The following RYR3 variants were observed in gnomAD, a reference collection of about 807,000 sequenced individuals.
RYR3 encodes brain ryanodine receptor-calcium release channel.
RYR3 carries 207 observed loss-of-function variants against 584.3 expected under a neutral mutation model. The ratio of observed to expected loss-of-function variants is 0.35; its 90% CI spans 0.32 to 0.40. The LOEUF is 0.40. RYR3 is among the 10% of genes least tolerant of loss of function. The pLI is 1.00. For synonymous variants in RYR3, 2,416 were observed against 2,248.5 expected (o/e 1.07, Z -2.11); for missense variants, 5,616 against 6,089.2 (o/e 0.92, Z 2.59).
At chr15:33,706,458 A>G (rs1026597663) in intron 42 of RYR3, among the ~76,000 whole-genome samples, 8 of 152,148 alleles carry the variant, frequency 5.3e-5, no homozygotes, top group African/African-American at 1.9e-4. Context: ...TTACTACTCA[A>G]ATTACCTCCT....
At chr15:33,861,546 T>G (rs925087721) in intron 102 of RYR3, among the ~76,000 whole-genome samples, 1 of 152,030 alleles carries the variant, frequency 6.6e-6, no homozygotes, top group Non-Finnish European at 1.5e-5. Flanking sequence ...ACTATTGCCC[T>G]ACTTCTTTTT....
At chr15:33,675,243 A>G (rs1356233971) in intron 38 of RYR3, among the ~76,000 whole-genome samples, 1 of 152,234 alleles carries the variant, frequency 6.6e-6, no homozygotes, top group Non-Finnish European at 1.5e-5. Flanking sequence ...TGTCTTGAGC[A>G]CTTCCATAAA....
chr15:33,761,847 C>T (rs577970715), intron 60 of RYR3, among the ~76,000 whole-genome samples: 1 of 152,192 alleles, frequency 6.6e-6, no homozygotes, highest in African/African-American at 2.4e-5. Context: ...AACATCGATG[C>T]GAAAATCCTC....
At chr15:33,786,147 T>A (rs2074693268) in intron 66 of RYR3, among the ~76,000 whole-genome samples, 165 bp downstream of exon 66, 1 of 152,064 alleles carries the variant, frequency 6.6e-6, no homozygotes, top group African/African-American at 2.4e-5. Context: ...ATTGACATAT[T>A]CCCCTGAAGA....
At chr15:33,735,980 T>C (rs1470333053) in intron 48 of RYR3, among the ~76,000 whole-genome samples, 1 of 152,238 alleles carries the variant, frequency 6.6e-6, no homozygotes, top group Non-Finnish European at 1.5e-5. Flanking sequence ...AGTATGCATA[T>C]ATCCTAGAAC....
intron 1 of RYR3, among the ~76,000 whole-genome samples, chr15:33,434,247 C>T (rs987355013): frequency 1.3e-5 from 2 of 152,030 alleles, no homozygotes; most frequent in Non-Finnish European, 2.9e-5. Flanking sequence ...TATTTGCCCA[C>T]AGTGAAATTC....
At chr15:33,537,675 T>C (rs2055443352) in intron 5 of RYR3, among the ~76,000 whole-genome samples, 1 of 152,222 alleles carries the variant, frequency 6.6e-6, no homozygotes, top group Non-Finnish European at 1.5e-5. Flanking sequence ...TCTTGTGCCT[T>C]GGTGTCTGAA....
intron 1 of RYR3, among the ~76,000 whole-genome samples, chr15:33,461,135 G>A (rs1239533873): frequency 2.6e-5 from 4 of 151,648 alleles, no homozygotes; most frequent in Non-Finnish European, 2.9e-5. Flanking sequence ...TAGTAGAGAC[G>A]GGGTTTCACC....
chr15:33,569,141 A>G (rs1277120452), intron 12 of RYR3, among the ~76,000 whole-genome samples: 1 of 152,232 alleles, frequency 6.6e-6, no homozygotes, highest in Non-Finnish European at 1.5e-5. Flanking sequence ...TTTGATTACT[A>G]AGAACAATGT....
chr15:33,754,886 G>C (rs958130333), intron 57 of RYR3, among the ~76,000 whole-genome samples, 179 bp from the exon 58 acceptor site: 1 of 152,156 alleles, frequency 6.6e-6, no homozygotes, highest in Non-Finnish European at 1.5e-5. Context: ...TGAAAAATCT[G>C]TGCTCACATA....
At chr15:33,537,166 T>C (rs1595494600) in intron 5 of RYR3, among the ~76,000 whole-genome samples, 1 of 152,226 alleles carries the variant, frequency 6.6e-6, no homozygotes, top group Non-Finnish European at 1.5e-5. Flanking sequence ...TTTGTTTGCT[T>C]AGTTTTTTTG....
At chr15:33,764,376 A>G (rs2072810154) in intron 60 of RYR3, among the ~76,000 whole-genome samples, 2 of 152,168 alleles carry the variant, frequency 1.3e-5, no homozygotes, top group Admixed American at 6.5e-5. Flanking sequence ...GAGTTGAACA[A>G]TGAGAACACA....
At chr15:33,526,140 C>T (rs2572203) in intron 3 of RYR3, among the ~76,000 whole-genome samples, 129,791 of 152,156 alleles carry the variant, frequency 0.85, 55,894 homozygotes, top group Middle Eastern at 0.97. Context: ...TGTGGCTGGA[C>T]AGAAGCATAG....
chr15:33,819,853 C>T (rs773127359), intron 77 of RYR3, 46 bp downstream of exon 77: 3 of 1,446,156 alleles, frequency 2.1e-6, no homozygotes, highest in Non-Finnish European at 2.9e-6. Flanking sequence ...TCTGTCTTCC[C>T]TTAGATTTCT....
intron 1 of RYR3, among the ~76,000 whole-genome samples, chr15:33,323,687 A>G (rs1969314206): frequency 6.6e-6 from 1 of 152,156 alleles, no homozygotes; most frequent in African/African-American, 2.4e-5. Flanking sequence ...ATGCATTTGT[A>G]CTTGATTTTC....
chr15:33,848,497 C>G (rs1234235234), intron 94 of RYR3, 76 bp downstream of exon 94: 4 of 1,492,888 alleles, frequency 2.7e-6, no homozygotes, highest in Non-Finnish European at 3.6e-6. Context: ...TCCTCCTGGC[C>G]TTAAAACTGG....
At chr15:33,370,710 G>A (rs2040269701) in intron 1 of RYR3, among the ~76,000 whole-genome samples, 1 of 152,186 alleles carries the variant, frequency 6.6e-6, no homozygotes, top group Admixed American at 6.5e-5. Flanking sequence ...GATGGAGAAA[G>A]TCAAGTAAAG....
chr15:33,368,877 G>A (rs1398559818), intron 1 of RYR3, among the ~76,000 whole-genome samples: 4 of 152,126 alleles, frequency 2.6e-5, no homozygotes, highest in African/African-American at 9.7e-5. Flanking sequence ...TCCGAAACAT[G>A]ACAGTGTCCT....
chr15:33,468,635 C>T (rs1299391138), intron 1 of RYR3, among the ~76,000 whole-genome samples: 1 of 152,030 alleles, frequency 6.6e-6, no homozygotes, highest in Non-Finnish European at 1.5e-5. Context: ...ATTATGTTTC[C>T]AGCTTGGATG....
Sources: allele counts gnomAD v4.1 joint callset (sites outside exome capture counted in the v4.1 genomes callset), GRCh38; gene constraint gnomAD v4.1.1; transcripts MANE v1.5; gene names NCBI Gene and HGNC (gene_info 2026-07-23, HGNC 2026-07-21).